The following ENTREP2 variants were observed in gnomAD, a reference collection of about 807,000 sequenced individuals.
ENTREP2 encodes endosomal transmembrane epsin interactor 2, also known as protein ENTREP2.
the ENTREP2 span, among the ~76,000 whole-genome samples, chr15:29,292,860 A>T: frequency 6.6e-6 from 1 of 152,210 alleles, no homozygotes; most frequent in African/African-American, 2.4e-5. Context: ...CTTCTTTTCT[A>T]CTGTTAACAT....
chr15:29,158,405 CTTTTTT>C, the ENTREP2 span, among the ~76,000 whole-genome samples: 1 of 133,162 alleles, frequency 7.5e-6, no homozygotes, highest in South Asian at 2.3e-4. Context: ...TTATCTCTGC[CTTTTTT>C]TTTTTTTTTT....
the ENTREP2 span, among the ~76,000 whole-genome samples, chr15:29,635,775 AT>A: frequency 4.6e-5 from 7 of 152,118 alleles, no homozygotes; most frequent in Non-Finnish European, 2.9e-5. Flanking sequence ...GCCACCTGTG[AT>A]TTATGGGCTT....
the ENTREP2 span, among the ~76,000 whole-genome samples, chr15:29,530,520 G>A: frequency 7.9e-5 from 12 of 152,184 alleles, no homozygotes; most frequent in East Asian, 5.8e-4. Flanking sequence ...TCGATCAAGC[G>A]AACTCCAACG....
At chr15:29,313,631 C>T in the ENTREP2 span, among the ~76,000 whole-genome samples, 1 of 152,306 alleles carries the variant, frequency 6.6e-6, no homozygotes, top group African/African-American at 2.4e-5. Flanking sequence ...CAAAGTATTA[C>T]TGTTTATTGA....
the ENTREP2 span, among the ~76,000 whole-genome samples, chr15:29,447,392 C>T: frequency 2.7e-4 from 41 of 152,304 alleles, no homozygotes; most frequent in African/African-American, 8.4e-4. Context: ...GCACAGTCTT[C>T]GCCAGGCTGA....
the ENTREP2 span, among the ~76,000 whole-genome samples, chr15:29,246,973 GCACACACACACACACACACACACACA>G: frequency 7.3e-6 from 1 of 137,094 alleles, no homozygotes; most frequent in East Asian, 2.2e-4. Flanking sequence ...GACTGGAAAG[GCACACACACACACACACACACACACA>G]CACACACACA....
chr15:29,186,797 C>A, the ENTREP2 span, among the ~76,000 whole-genome samples: 2 of 152,104 alleles, frequency 1.3e-5, no homozygotes, highest in African/African-American at 4.8e-5. Flanking sequence ...TTTCTTTGTT[C>A]TGGTCTTATA....
the ENTREP2 span, among the ~76,000 whole-genome samples, chr15:29,164,369 T>G: frequency 4.0e-3 from 611 of 152,330 alleles, 7 homozygotes; most frequent in African/African-American, 0.014. Context: ...ATGGCCTAAA[T>G]GCTCTACTTT....
At chr15:29,187,109 CA>C in the ENTREP2 span, among the ~76,000 whole-genome samples, 1 of 152,128 alleles carries the variant, frequency 6.6e-6, no homozygotes, top group Non-Finnish European at 1.5e-5. Flanking sequence ...GTATATCACC[CA>C]TACACACTGA....
At chr15:29,183,780 C>T in the ENTREP2 span, among the ~76,000 whole-genome samples, 3 of 152,116 alleles carry the variant, frequency 2.0e-5, no homozygotes, top group African/African-American at 7.2e-5. Context: ...GTGGCTGCTT[C>T]TGGACAATCT....
At chr15:29,121,458 A>G in the ENTREP2 span, 2 of 152,308 alleles carry the variant, frequency 1.3e-5, no homozygotes, top group Non-Finnish European at 2.9e-5. Flanking sequence ...CCCCCCAAGC[A>G]GGTGAAACCC....
At chr15:29,229,340 C>T in the ENTREP2 span, among the ~76,000 whole-genome samples, 3 of 152,164 alleles carry the variant, frequency 2.0e-5, no homozygotes, top group Non-Finnish European at 4.4e-5. Flanking sequence ...CTATTCCTTA[C>T]ATCTTGAACA....
the ENTREP2 span, among the ~76,000 whole-genome samples, chr15:29,290,629 G>A: frequency 0.55 from 83,396 of 152,094 alleles, 24,889 homozygotes; most frequent in Non-Finnish European, 0.69. Context: ...CACAGAAGGC[G>A]CTCAGTACAA....
the ENTREP2 span, among the ~76,000 whole-genome samples, chr15:29,204,293 A>T: frequency 1.3e-5 from 2 of 152,200 alleles, no homozygotes; most frequent in Admixed American, 1.3e-4. Context: ...TGGGAGTAGA[A>T]AGGGCTTATA....
chr15:29,139,440 G>A, the ENTREP2 span, among the ~76,000 whole-genome samples: 10 of 152,324 alleles, frequency 6.6e-5, no homozygotes, highest in Non-Finnish European at 1.3e-4. Flanking sequence ...AGCAGGGCGA[G>A]GGCAAATGCC....
At chr15:29,343,807 G>C in the ENTREP2 span, among the ~76,000 whole-genome samples, 3 of 152,000 alleles carry the variant, frequency 2.0e-5, no homozygotes, top group African/African-American at 7.2e-5. Context: ...ACTCAAAACA[G>C]AAAGTAAAAT....
At chr15:29,403,050 T>C in the ENTREP2 span, among the ~76,000 whole-genome samples, 1 of 152,120 alleles carries the variant, frequency 6.6e-6, no homozygotes, top group Non-Finnish European at 1.5e-5. Context: ...TGGCGGCCAG[T>C]CTGAGTGAGA....
At chr15:29,511,506 T>TTA in the ENTREP2 span, among the ~76,000 whole-genome samples, 3 of 151,464 alleles carry the variant, frequency 2.0e-5, no homozygotes, top group African/African-American at 4.9e-5. Flanking sequence ...TTTTTTTTTT[T>TTA]ATTTTTTGTA....
At chr15:29,126,428 G>A in the ENTREP2 span, 1 of 1,549,956 alleles carries the variant, frequency 6.5e-7, no homozygotes, top group Non-Finnish European at 8.7e-7. Flanking sequence ...GCCATCGGGG[G>A]ATGGGCTGGA....
Sources: allele counts gnomAD v4.1 joint callset (sites outside exome capture counted in the v4.1 genomes callset), GRCh38; gene constraint gnomAD v4.1.1; transcripts MANE v1.5; gene names NCBI Gene and HGNC (gene_info 2026-07-23, HGNC 2026-07-21).